The following MICU1 variants were observed in gnomAD, a reference collection of about 807,000 sequenced individuals.
MICU1 encodes calcium uptake protein 1, mitochondrial.
Under a neutral mutation model 56.8 loss-of-function variants are expected in MICU1, and 45 were observed. The ratio of observed to expected loss-of-function variants is 0.79; its 90% CI spans 0.62 to 1.02. The LOEUF is 1.02. Ranked by LOEUF, MICU1 falls within the 50% of genes least tolerant of loss-of-function variation. MICU1 has a pLI of 0.00. For synonymous variants in MICU1, 186 were observed against 195.1 expected, an observed-to-expected ratio of 0.95 and a Z score of 0.39; for missense variants, 504 against 587.1, an observed-to-expected ratio of 0.86 and a Z score of 1.46.
intron 1 of MICU1, among the ~76,000 whole-genome samples, chr10:72,586,129 C>T (rs1052049938): frequency 4.8e-5 from 7 of 145,702 alleles, no homozygotes; most frequent in African/African-American, 1.8e-4. Flanking sequence ...GTTCTCCTGA[C>T]TCAGCCTCCA....
At chr10:72,481,196 C>G (rs1298742176) in intron 6 of MICU1, among the ~76,000 whole-genome samples, 1 of 152,148 alleles carries the variant, frequency 6.6e-6, no homozygotes, top group Non-Finnish European at 1.5e-5. Flanking sequence ...GACAAACAAG[C>G]CAAAAACAAG....
chr10:72,415,368 A>C (rs1315174814), intron 9 of MICU1, among the ~76,000 whole-genome samples: 1 of 152,088 alleles, frequency 6.6e-6, no homozygotes, highest in Admixed American at 6.6e-5. Flanking sequence ...ACCAGGTACA[A>C]GGCAATTCTT....
intron 1 of MICU1, among the ~76,000 whole-genome samples, chr10:72,606,555 T>G (rs1211929912): frequency 6.6e-6 from 1 of 152,012 alleles, no homozygotes; most frequent in Non-Finnish European, 1.5e-5. Flanking sequence ...AATCATGAAC[T>G]TATCTATCCT....
chr10:72,571,363 CA>C (rs1840606744), intron 1 of MICU1, among the ~76,000 whole-genome samples: 1 of 152,140 alleles, frequency 6.6e-6, no homozygotes, highest in Non-Finnish European at 1.5e-5. Flanking sequence ...GACCCTACCT[CA>C]AAAAGCCAAA....
chr10:72,527,905 C>A (rs927337243), intron 5 of MICU1, among the ~76,000 whole-genome samples: 3 of 152,180 alleles, frequency 2.0e-5, no homozygotes, highest in African/African-American at 7.2e-5. Context: ...CAACTCACTG[C>A]AACCTCCGCC....
intron 10 of MICU1, among the ~76,000 whole-genome samples, chr10:72,397,928 TG>T (rs1863322888): frequency 6.6e-6 from 1 of 152,124 alleles, no homozygotes; most frequent in African/African-American, 2.4e-5. Flanking sequence ...CTGCACCAAG[TG>T]GACCTAATAG....
At chr10:72,381,963 T>TACACAC (rs10535513) in intron 10 of MICU1, among the ~76,000 whole-genome samples, 32,233 of 138,160 alleles carry the variant, frequency 0.23, 4,548 homozygotes, top group Non-Finnish European at 0.34. Flanking sequence ...TATATATCTA[T>TACACAC]ACACACACAC....
chr10:72,437,927 G>A (rs1473033321), intron 8 of MICU1, among the ~76,000 whole-genome samples: 3 of 151,834 alleles, frequency 2.0e-5, no homozygotes, highest in African/African-American at 4.8e-5. Context: ...AAAGAGACCT[G>A]GACTCCCACA....
At chr10:72,430,726 A>C (rs891847620) in intron 8 of MICU1, among the ~76,000 whole-genome samples, 17 of 151,958 alleles carry the variant, frequency 1.1e-4, no homozygotes, top group Non-Finnish European at 2.4e-4. Context: ...ACGCCTGGCT[A>C]ATTTTTGTAT....
At chr10:72,496,815 A>G (rs547816263) in intron 6 of MICU1, among the ~76,000 whole-genome samples, 1 of 152,248 alleles carries the variant, frequency 6.6e-6, no homozygotes, top group African/African-American at 2.4e-5. Flanking sequence ...CAAGTGATCC[A>G]CCTGCTTTGG....
At chr10:72,374,624 C>G (rs1164671411) in intron 11 of MICU1, among the ~76,000 whole-genome samples, 1 of 151,860 alleles carries the variant, frequency 6.6e-6, no homozygotes, top group African/African-American at 2.4e-5. Flanking sequence ...ATGCTGGGAC[C>G]AAAAGGGAAG....
intron 8 of MICU1, among the ~76,000 whole-genome samples, chr10:72,472,509 T>C (rs1419534428): frequency 6.6e-6 from 1 of 152,156 alleles, no homozygotes; most frequent in African/African-American, 2.4e-5. Flanking sequence ...AGAGAAGTTA[T>C]CTATCCAGCT....
chr10:72,395,205 C>G (rs573949871), intron 10 of MICU1, among the ~76,000 whole-genome samples: 5 of 151,754 alleles, frequency 3.3e-5, no homozygotes, highest in Non-Finnish European at 1.5e-5. Flanking sequence ...TCAGTAGAGA[C>G]GGGGTTTCAC....
intron 10 of MICU1, among the ~76,000 whole-genome samples, chr10:72,399,684 C>G (rs527256111): frequency 6.6e-6 from 1 of 151,786 alleles, no homozygotes; most frequent in Non-Finnish European, 1.5e-5. Flanking sequence ...AATTTGAGGC[C>G]GGGTGCAGTG....
intron 5 of MICU1, among the ~76,000 whole-genome samples, chr10:72,514,608 G>A (rs1867589121): frequency 6.6e-6 from 1 of 152,154 alleles, no homozygotes; most frequent in African/African-American, 2.4e-5. Flanking sequence ...CTAGTGATTT[G>A]ACAGGTTTCC....
intron 8 of MICU1, among the ~76,000 whole-genome samples, chr10:72,450,697 T>C (rs1438673491): frequency 6.6e-6 from 1 of 151,812 alleles, no homozygotes; most frequent in Admixed American, 6.6e-5. Flanking sequence ...TTTGAAATTA[T>C]ACTTCCTTAA....
At position 72,562,898 on chromosome 10, in the gene MICU1, T is replaced by G. The variant is rs1014563505; in HGVS notation, c.327A>C (p.Arg109Ser). Residue 109 changes from arginine (R) to serine (S), a missense_variant, in exon 3 of 12, where the codon AGA (arginine) becomes AGC (serine). Coordinates refer to ENST00000361114, the MANE Select transcript of MICU1 (RefSeq NM_001195518.2). ...CTTATAAGACTATGTTTCATACTTT[T>G]CTGTCTCTGAATCCAGAACGTTTCT... ...KKKKRSGFRD[R>S]KVMEYENRIR... 6.3e-7 allele frequency: 1 copy of G among 1,587,402 alleles called. No individual in the cohort carries two copies. The highest frequency in any genetic ancestry group is 1.9e-5 in the Admixed American group (1 of 53,424).
intron 8 of MICU1, among the ~76,000 whole-genome samples, chr10:72,423,778 C>T (rs1864256007): frequency 1.3e-5 from 2 of 152,110 alleles, no homozygotes; most frequent in South Asian, 2.1e-4. Context: ...GGAAGCATTC[C>T]TAATTTTGCT....
intron 10 of MICU1, among the ~76,000 whole-genome samples, chr10:72,382,689 A>C (rs1339937112): frequency 1.3e-5 from 2 of 152,062 alleles, no homozygotes; most frequent in Non-Finnish European, 2.9e-5. Context: ...CAGGCAGATC[A>C]CCCGAGCTTA....
Sources: gnomAD v4.1 joint callset for allele counts (sites outside exome capture counted in the v4.1 genomes callset) on GRCh38, gnomAD v4.1.1 for gene constraint, MANE v1.5 for transcripts, NCBI Gene and HGNC (gene_info 2026-07-23, HGNC 2026-07-21) for gene names.